ZNF532: variants seen among roughly 807,000 people sequenced by gnomAD.
The protein encoded by ZNF532 is zinc finger protein 532.
In ZNF532, 22 loss-of-function variants were observed where a neutral mutation model predicts 89.3. That is an observed-to-expected ratio of 0.25 (90% CI 0.18 to 0.35). The LOEUF (loss-of-function observed/expected upper bound fraction) is 0.35. Among genes scored for constraint, ZNF532 ranks in the 10% least tolerant of loss-of-function variants. The pLI, the probability that ZNF532 is intolerant of heterozygous loss-of-function variation, is 1.00. For missense variants in ZNF532, 1,132 were observed against 1,643.4 expected, an observed-to-expected ratio of 0.69 and a Z score of 5.38; for synonymous variants, 606 against 649.6, an observed-to-expected ratio of 0.93 and a Z score of 1.02.
chr18:58,886,698 C>T (rs940913510), intron 2 of ZNF532, among the ~76,000 whole-genome samples: 4 of 152,170 alleles, frequency 2.6e-5, no homozygotes, highest in African/African-American at 9.7e-5. Context: ...AATAACTGTG[C>T]ACCAAACGTT....
At position 58,920,259 on chromosome 18, in the gene ZNF532, A is replaced by G; in HGVS notation, c.1972A>G (p.Lys658Glu). The change falls in exon 3 of 10, where the codon AAA becomes GAA. Residue 658 changes from lysine to glutamate, a missense_variant. Transcript: ENST00000591808. ...TACAAAGAACCTCGTTTTTTACAAC[A>G]AATGCAGCCTCCTTTCCCATGCCCG... ...HCTKNLVFYNKCSLLSHARGH... is the reference protein window; with the variant it reads ...HCTKNLVFYNECSLLSHARGH... The G allele has an allele frequency of 6.2e-7, 1 of 1,613,986 alleles. No homozygotes were observed. The highest frequency in any genetic ancestry group is 8.5e-7 in the Non-Finnish European group (1 of 1,179,860).
intron 7 of ZNF532, among the ~76,000 whole-genome samples, chr18:58,974,359 G>T (rs1208717288): frequency 6.6e-6 from 1 of 151,986 alleles, no homozygotes; most frequent in African/African-American, 2.4e-5. Context: ...GGTTCTTTTC[G>T]TATCAGTGCA....
intron 2 of ZNF532, among the ~76,000 whole-genome samples, chr18:58,906,396 C>T (rs2059937565): frequency 6.6e-6 from 1 of 152,100 alleles, no homozygotes; most frequent in Non-Finnish European, 1.5e-5. Flanking sequence ...CTTCTATGTC[C>T]CTTTGACACG....
chr18:58,971,303 T>C (rs997338753), intron 7 of ZNF532, among the ~76,000 whole-genome samples: 1 of 152,244 alleles, frequency 6.6e-6, no homozygotes, highest in Non-Finnish European at 1.5e-5. Context: ...CTTTTCACTT[T>C]ATAGTTATGA....
intron 7 of ZNF532, among the ~76,000 whole-genome samples, chr18:58,968,207 C>T (rs1166677041): frequency 1.3e-5 from 2 of 152,220 alleles, no homozygotes; most frequent in Admixed American, 6.5e-5. Flanking sequence ...TCCCTTGACA[C>T]TGGGCTGGTG....
In ZNF532 at chr18:58,948,058, C is replaced by G; in HGVS notation, c.2706-9C>G. ...ACTGACATGATCTCGCTGCACTCTT[C>G]TATTTTAGAATAATATATAAGTGTT... On this transcript the variant is annotated splice_polypyrimidine_tract_variant and intron_variant, in intron 5 of 9. Coordinates refer to ENST00000591808, the MANE Select transcript of ZNF532 (RefSeq NM_001375912.1). 1.2e-6 allele frequency: 2 copies of G among 1,605,902 alleles called. No individual in the cohort carries two copies. The highest frequency in any genetic ancestry group is 1.3e-5 in the African/African-American group (1 of 74,670).
At chr18:58,960,040 G>A (rs2065200984) in intron 7 of ZNF532, among the ~76,000 whole-genome samples, 1 of 152,170 alleles carries the variant, frequency 6.6e-6, no homozygotes, top group African/African-American at 2.4e-5. Context: ...CCAGGTTCAA[G>A]CGATTCTCCT....
intron 2 of ZNF532, among the ~76,000 whole-genome samples, chr18:58,879,074 G>A (rs1430446245): frequency 6.6e-6 from 1 of 152,232 alleles, no homozygotes; most frequent in Non-Finnish European, 1.5e-5. Flanking sequence ...TGGAGGGCAG[G>A]TTGTTCTTGT....
chr18:58,959,328 A>G (rs2065124857), intron 7 of ZNF532, among the ~76,000 whole-genome samples: 1 of 141,370 alleles, frequency 7.1e-6, no homozygotes, highest in African/African-American at 2.7e-5. Flanking sequence ...GCTAAAGTGC[A>G]GTAGGGTAAT....
At chr18:58,877,593 T>C (rs12454400) in intron 2 of ZNF532, among the ~76,000 whole-genome samples, 65,958 of 152,118 alleles carry the variant, frequency 0.43, 14,937 homozygotes, top group East Asian at 0.61. Flanking sequence ...ACTGGACATC[T>C]GGGCACTGAG....
intron 3 of ZNF532, among the ~76,000 whole-genome samples, chr18:58,926,705 A>G (rs1387750632): frequency 3.3e-5 from 5 of 152,372 alleles, no homozygotes; most frequent in Admixed American, 2.6e-4. Context: ...TTTTTCAAAC[A>G]ATCATAAGTG....
intron 3 of ZNF532, among the ~76,000 whole-genome samples, chr18:58,931,095 A>T (rs1385507330): frequency 4.6e-5 from 7 of 152,208 alleles, no homozygotes; most frequent in African/African-American, 1.7e-4. Context: ...ATAGAAATTA[A>T]CTTTATTACC....
chr18:58,908,272 C>T (rs576341533), intron 2 of ZNF532, among the ~76,000 whole-genome samples: 1 of 152,344 alleles, frequency 6.6e-6, no homozygotes, highest in South Asian at 2.1e-4. Context: ...GTTGTGCTCT[C>T]CCACTTATTG....
chr18:58,976,641 T>A (rs558987963), intron 7 of ZNF532, among the ~76,000 whole-genome samples: 1 of 152,258 alleles, frequency 6.6e-6, no homozygotes, highest in East Asian at 1.9e-4. Context: ...ACTGCAATTC[T>A]TCTGCCCCAG....
At chr18:58,907,220 CTG>C (rs1221015461) in intron 2 of ZNF532, among the ~76,000 whole-genome samples, 1 of 152,190 alleles carries the variant, frequency 6.6e-6, no homozygotes, top group African/African-American at 2.4e-5. Flanking sequence ...GAGTCTCGCT[CTG>C]TTGCCCAGGC....
In ZNF532 at chr18:58,907,030, C is replaced by G. The variant is rs78126929; in HGVS notation, c.-17-11241C>G. Among the ~76,000 whole-genome samples the G allele has an allele frequency of 6.7e-3, 1,021 of 152,290 alleles. 7 individuals carry two copies. Among genetic ancestry groups the G allele is most frequent in the African/African-American group, 0.024 (989 of 41,542 alleles). On this transcript the variant is annotated intron_variant, in intron 2 of 9. Transcript: ENST00000591808. The stretch of plus-strand genomic sequence containing the variant: ...GGGTTCCCTTGAGAAAACTCACTTG[C>G]GAGGTTCCTGAGGACCTGGAAAAGA...
chr18:58,886,019 G>A (rs956149260), intron 2 of ZNF532, among the ~76,000 whole-genome samples: 4 of 151,764 alleles, frequency 2.6e-5, no homozygotes, highest in Admixed American at 6.6e-5. Context: ...TTCTGTCATC[G>A]CAGCTGGTGT....
intron 8 of ZNF532, chr18:58,980,174 G>C (rs2067576850): frequency 6.6e-6 from 1 of 152,146 alleles, no homozygotes; most frequent in Non-Finnish European, 1.5e-5. Context: ...ATGATAACCG[G>C]GTAGGAATCA....
intron 2 of ZNF532, among the ~76,000 whole-genome samples, chr18:58,874,897 A>G (rs2057306863): frequency 6.6e-6 from 1 of 152,090 alleles, no homozygotes; most frequent in African/African-American, 2.4e-5. Flanking sequence ...TTTGGGGGTG[A>G]TAGAAGGGTG....
Sources: allele counts gnomAD v4.1 joint callset (sites outside exome capture counted in the v4.1 genomes callset), GRCh38; gene constraint gnomAD v4.1.1; transcripts MANE v1.5; gene names NCBI Gene and HGNC (gene_info 2026-07-23, HGNC 2026-07-21).